SUCO: variants seen among roughly 807,000 people sequenced by gnomAD.
SUCO encodes SUN domain-containing ossification factor.
Under a neutral mutation model 148.1 loss-of-function variants are expected in SUCO, and 57 were observed. The observed-to-expected ratio is 0.38, with a 90% CI of 0.31 to 0.48. The LOEUF is 0.48. Ranked by LOEUF, SUCO falls within the 20% of genes least tolerant of loss-of-function variation. The pLI is 0.96. For synonymous variants in SUCO, 470 were observed against 502.7 expected, an observed-to-expected ratio of 0.93 and a Z score of 0.87; for missense variants, 1,331 against 1,468.2, an observed-to-expected ratio of 0.91 and a Z score of 1.53.
intron 23 of SUCO, chr1:172,609,317 C>T: frequency 2.0e-6 from 2 of 984,766 alleles, no homozygotes; most frequent in Non-Finnish European, 2.4e-6. Context: ...TTAAGTTATA[C>T]TAATTTTAGT....
chr1:172,551,322 ATAATGT>A (rs924412573), intron 1 of SUCO, among the ~76,000 whole-genome samples, 184 bp from the exon 2 acceptor site: 1 of 152,132 alleles, frequency 6.6e-6, no homozygotes. Context: ...AATGCTGATA[ATAATGT>A]TTATGTTTTT....
intron 22 of SUCO, among the ~76,000 whole-genome samples, chr1:172,603,854 C>T (rs1015104927): frequency 2.0e-5 from 3 of 151,782 alleles, no homozygotes; most frequent in Non-Finnish European, 2.9e-5. Flanking sequence ...TGTTTATTTT[C>T]GTTCCTTATA....
intron 2 of SUCO, chr1:172,552,789 T>C (rs1158342449): frequency 4.3e-6 from 1 of 233,116 alleles, no homozygotes; most frequent in African/African-American, 2.3e-5. Context: ...AGCATGTTCT[T>C]TCAGTAAACA....
At chr1:172,607,325 CT>C (rs1230119869) in intron 22 of SUCO, among the ~76,000 whole-genome samples, 1 of 151,842 alleles carries the variant, frequency 6.6e-6, no homozygotes, top group Non-Finnish European at 1.5e-5. Flanking sequence ...ACATTCATGA[CT>C]TGTGGTTTGT....
intron 10 of SUCO, 55 bp from the exon 11 acceptor site, chr1:172,575,463 T>C: frequency 2.4e-6 from 3 of 1,274,620 alleles, no homozygotes; most frequent in East Asian, 2.5e-5. Context: ...TGATAGAACC[T>C]TTCAATATGT....
chr1:172,553,420 T>C (rs781155353), intron 3 of SUCO, 50 bp downstream of exon 3: 2 of 1,345,180 alleles, frequency 1.5e-6, no homozygotes, highest in Non-Finnish European at 2.1e-6. Flanking sequence ...CAAACTACTT[T>C]ACAAGATTGA....
intron 4 of SUCO, 190 bp from the exon 5 acceptor site, chr1:172,557,090 C>T: frequency 1.0e-6 from 1 of 976,612 alleles, no homozygotes; most frequent in Non-Finnish European, 1.2e-6. Flanking sequence ...AAATATTAAC[C>T]TCATATTTGG....
intron 3 of SUCO, among the ~76,000 whole-genome samples, chr1:172,553,639 G>GATGT (rs1393075617): frequency 6.6e-6 from 1 of 152,018 alleles, no homozygotes; most frequent in Non-Finnish European, 1.5e-5. Flanking sequence ...GGTTCATTAT[G>GATGT]ATGTATCTTG....
Position 172,533,254 on chromosome 1 carries a change from G to T in SUCO, c.-182G>T, listed in dbSNP as rs1469705549. The T allele has an allele frequency of 6.5e-7, 1 of 1,548,798 alleles. No individual in the cohort carries two copies. The highest frequency in any genetic ancestry group is 2.0e-5 in the Admixed American group (1 of 50,974). On this transcript the variant is annotated 5_prime_UTR_variant, in exon 1 of 24. Transcript: ENST00000263688. Reference sequence around the variant, plus strand: ...GAAGCGCCCCTGTCCGCGCCTCTGTGGGGCCCTCAGAGAGGGCTGCCAGGA... The same window carrying T: ...GAAGCGCCCCTGTCCGCGCCTCTGTTGGGCCCTCAGAGAGGGCTGCCAGGA...
intron 19 of SUCO, among the ~76,000 whole-genome samples, chr1:172,597,090 G>A (rs1657161447): frequency 6.6e-6 from 1 of 152,254 alleles, no homozygotes; most frequent in African/African-American, 2.4e-5. Context: ...TCCGAGCCAT[G>A]CACGGGATAT....
chr1:172,539,325 T>G lies in SUCO; in HGVS notation c.62+5828T>G, dbSNP rs192240019. Among the ~76,000 whole-genome samples the G allele has an allele frequency of 3.9e-4, 60 of 152,318 alleles. No individual in the cohort carries two copies. In the East Asian group the frequency reaches 0.012, roughly 29 times the overall value. On this transcript the variant is annotated intron_variant, in intron 1 of 23. Coordinates refer to ENST00000263688, the MANE Select transcript of SUCO (RefSeq NM_014283.5). The stretch of plus-strand genomic sequence containing the variant: ...AAATCTCTTGAAACTTATCTACATG[T>G]TTTAGATTATACTTTAGTGCCAGTT...
At chr1:172,600,213 G>A in intron 20 of SUCO, 45 bp downstream of exon 20, 1 of 1,340,840 alleles carries the variant, frequency 7.5e-7, no homozygotes, top group Middle Eastern at 1.8e-4. Context: ...CATGTATAGA[G>A]GTTGTCATAA....
Position 172,611,011 on chromosome 1 carries a change from A to C in SUCO, c.*752A>C, listed in dbSNP as rs1323134679. ...ATGCAGACAAATTTTTGACAAATTC[A>C]CCTTTTAAACACACTTAACCATTTG... is the stretch of plus-strand genomic sequence containing the variant. On this transcript the variant is annotated 3_prime_UTR_variant, in exon 24 of 24. Transcript: ENST00000263688. The C allele has an allele frequency of 1.3e-5, 2 of 152,586 alleles. No individual in the cohort carries two copies. The allele number at this position is 152,586 out of a possible 1,614,324, so 9.5% of individuals were successfully genotyped here. A position where few individuals can be genotyped will look rare whatever the true frequency, so the allele number is the denominator to read the frequency against.
At chr1:172,532,692 A>T, upstream of SUCO, 1 of 1,614,070 alleles carries the variant, frequency 6.2e-7, no homozygotes, top group East Asian at 2.2e-5. Context: ...CTTCTCTAAC[A>T]AAACCATGGA....
intron 1 of SUCO, chr1:172,542,902 T>G (rs1451755881): frequency 4.1e-6 from 4 of 985,420 alleles, no homozygotes; most frequent in Non-Finnish European, 4.8e-6. Flanking sequence ...TTGGAGAGCT[T>G]GAAAACTGAG....
At chr1:172,607,138 T>A (rs1053971179) in intron 22 of SUCO, among the ~76,000 whole-genome samples, 3 of 151,934 alleles carry the variant, frequency 2.0e-5, no homozygotes, top group South Asian at 2.1e-4. Flanking sequence ...AAATCTAATA[T>A]CTTAAATTTT....
chr1:172,602,802 A>C lies in SUCO; in HGVS notation c.3265+15A>C, dbSNP rs370480852. 4.0e-5 allele frequency: 63 copies of C among 1,575,596 alleles called. No homozygotes were observed. The highest frequency in any genetic ancestry group is 5.4e-5 in the Non-Finnish European group (62 of 1,147,168). On this transcript the variant is annotated intron_variant, in intron 22 of 23. Coordinates refer to ENST00000263688, the MANE Select transcript of SUCO (RefSeq NM_014283.5). ...TGGCAAAGAAGGTAGATTTCTGTGGATATATAATATGTATATATAAACATG... is the reference window on the plus strand; with the variant it reads ...TGGCAAAGAAGGTAGATTTCTGTGGCTATATAATATGTATATATAAACATG...
At chr1:172,562,963 C>T (rs1210873023) in intron 6 of SUCO, among the ~76,000 whole-genome samples, 1 of 152,114 alleles carries the variant, frequency 6.6e-6, no homozygotes, top group Non-Finnish European at 1.5e-5. Flanking sequence ...AGTGCTTACC[C>T]CTTCACTCTC....
At chr1:172,552,911 T>C (rs980946725) in intron 2 of SUCO, among the ~76,000 whole-genome samples, 1 of 152,070 alleles carries the variant, frequency 6.6e-6, no homozygotes, top group African/African-American at 2.4e-5. Flanking sequence ...CTAACTTGAA[T>C]GTATGTCAAA....
Sources: gnomAD v4.1 joint callset for allele counts (sites outside exome capture counted in the v4.1 genomes callset) on GRCh38, gnomAD v4.1.1 for gene constraint, MANE v1.5 for transcripts, NCBI Gene and HGNC (gene_info 2026-07-23, HGNC 2026-07-21) for gene names.